AGAP1: variants seen among roughly 807,000 people sequenced by gnomAD.
The protein encoded by AGAP1 is arf-GAP with GTPase, ANK repeat and PH domain-containing protein 1.
A neutral mutation model predicts 105.3 loss-of-function variants in AGAP1; 29 were observed. That is an observed-to-expected ratio of 0.28 (90% CI 0.21 to 0.38). The LOEUF is 0.38. AGAP1 is among the 10% of genes least tolerant of loss of function. AGAP1 has a pLI of 1.00. For missense variants in AGAP1, 998 were observed against 1,165.1 expected, an observed-to-expected ratio of 0.86 and a Z score of 2.09; for synonymous variants, 509 against 485.9, an observed-to-expected ratio of 1.05 and a Z score of -0.63.
intron 1 of AGAP1, among the ~76,000 whole-genome samples, chr2:235,647,334 C>T (rs1457591419): frequency 6.6e-6 from 1 of 152,136 alleles, no homozygotes; most frequent in Non-Finnish European, 1.5e-5. Context: ...TGTCTCAGAT[C>T]AGATTGAAGC....
chr2:235,873,296 A>C (rs1196295388), intron 9 of AGAP1, among the ~76,000 whole-genome samples: 2 of 152,186 alleles, frequency 1.3e-5, no homozygotes, highest in East Asian at 1.9e-4. Context: ...CACAAAAGCT[A>C]TTTCCCGAGT....
At chr2:236,081,141 G>A (rs1576256841) in intron 16 of AGAP1, among the ~76,000 whole-genome samples, 2 of 152,268 alleles carry the variant, frequency 1.3e-5, no homozygotes, top group South Asian at 2.1e-4. Flanking sequence ...GGTGGTGCCT[G>A]TGGGTACATC....
chr2:235,624,342 C>T (rs1946572761), intron 1 of AGAP1, among the ~76,000 whole-genome samples: 1 of 152,188 alleles, frequency 6.6e-6, no homozygotes, highest in Admixed American at 6.5e-5. Flanking sequence ...CTGTCTTTCC[C>T]ATCTGGATCT....
chr2:236,084,878 T>C (rs1054400017), intron 16 of AGAP1, among the ~76,000 whole-genome samples: 1 of 150,614 alleles, frequency 6.6e-6, no homozygotes, highest in East Asian at 2.0e-4. Flanking sequence ...CACTGTAATC[T>C]GGGCAAAAGA....
Position 236,124,351 on chromosome 2 carries a change from C to T in AGAP1, c.*229C>T, listed in dbSNP as rs944963453. 1.7e-6 allele frequency: 1 copy of T among 594,886 alleles called. No individual in the cohort carries two copies. The highest frequency in any genetic ancestry group is 3.0e-6 in the Non-Finnish European group (1 of 336,240). 36.9% of individuals were successfully genotyped at this position (594,886 alleles called of 1,614,324 possible). A position where few individuals can be genotyped will look rare whatever the true frequency, so the allele number is the denominator to read the frequency against. On this transcript the variant is annotated 3_prime_UTR_variant, in exon 18 of 18. Coordinates refer to ENST00000304032, the MANE Select transcript of AGAP1 (RefSeq NM_001037131.3). This position sits in a 1 kb window ranked among gnomAD's most constrained non-coding sequence, Gnocchi z 5.1. ...CAGAAGTGGCTCCTTTTCATAAACTCCCCTAAACCACACACAGGAGAGAGC... is the reference window on the plus strand; with the variant it reads ...CAGAAGTGGCTCCTTTTCATAAACTTCCCTAAACCACACACAGGAGAGAGC...
intron 16 of AGAP1, among the ~76,000 whole-genome samples, chr2:236,052,570 T>C (rs935048775): frequency 7.2e-5 from 11 of 152,142 alleles, no homozygotes; most frequent in Non-Finnish European, 1.5e-4. Context: ...AGCATCATGA[T>C]CAATGGAAGC....
At chr2:235,502,976 G>A (rs1436150769) in intron 1 of AGAP1, among the ~76,000 whole-genome samples, 1 of 151,906 alleles carries the variant, frequency 6.6e-6, no homozygotes, top group Non-Finnish European at 1.5e-5. Context: ...TTAGCCAATA[G>A]TGACTTGTAG....
intron 2 of AGAP1, among the ~76,000 whole-genome samples, chr2:235,713,431 T>G (rs1950947927): frequency 1.3e-5 from 2 of 152,222 alleles, no homozygotes; most frequent in South Asian, 2.1e-4. Flanking sequence ...TCTCATTCAC[T>G]CACCAGCAGT....
rs181502078 is a variant in AGAP1, at chr2:235,709,680, A to G, written c.222+443A>G. On this transcript the variant is annotated intron_variant, in intron 2 of 17. Coordinates refer to ENST00000304032, the MANE Select transcript of AGAP1 (RefSeq NM_001037131.3). ...GAGTCACCAAGCTTTGGTATCCATC[A>G]TTTTTGAAATGTGACTATTTACCCT... Among the ~76,000 whole-genome samples, 3 of 152,300 alleles carry G rather than the reference A, an allele frequency of 2.0e-5. No individual in the cohort carries two copies. In the East Asian group the frequency reaches 5.8e-4, roughly 29 times the overall value.
rs910777829 is a variant in AGAP1, at chr2:235,631,342, G to A, written c.164-77837G>A. ...AGTCAAGCATGGCGCAAGGAAGGAC[G>A]ATGGATTAGCCAACCATGACCGGCC... is the stretch of plus-strand genomic sequence containing the variant. On this transcript the variant is annotated intron_variant, in intron 1 of 17. Coordinates refer to ENST00000304032, the MANE Select transcript of AGAP1 (RefSeq NM_001037131.3). This position sits in a 1 kb window ranked among gnomAD's most constrained non-coding sequence, Gnocchi z 5.4. Among the ~76,000 whole-genome samples the A allele has an allele frequency of 6.6e-6, 1 of 152,182 alleles. No homozygotes were observed. The highest frequency in any genetic ancestry group is 2.1e-4 in the South Asian group (1 of 4,824).
intron 1 of AGAP1, among the ~76,000 whole-genome samples, chr2:235,684,085 A>G (rs1337190366): frequency 6.6e-6 from 1 of 152,088 alleles, no homozygotes; most frequent in Non-Finnish European, 1.5e-5. Flanking sequence ...TCTGTCGCCC[A>G]GGCTGGAATG....
chr2:236,109,684 C>A lies in AGAP1; in HGVS notation c.2115-10508C>A, dbSNP rs1289056632. Among the ~76,000 whole-genome samples, 1 of 152,224 alleles carries A rather than the reference C, an allele frequency of 6.6e-6. No individual in the cohort carries two copies. Among genetic ancestry groups the A allele is most frequent in the African/African-American group, 2.4e-5 (1 of 41,458 alleles). Reference sequence around the variant, plus strand: ...CGGCAGCGTCGGTGCTCTGGACCGGCAGCCGTGGAAACGTTCTGGATCCGA... The same window carrying A: ...CGGCAGCGTCGGTGCTCTGGACCGGAAGCCGTGGAAACGTTCTGGATCCGA... On this transcript the variant is annotated intron_variant, in intron 16 of 17. Coordinates refer to ENST00000304032, the MANE Select transcript of AGAP1 (RefSeq NM_001037131.3). The surrounding 1 kb of genome is among the most constrained non-coding windows in gnomAD (Gnocchi z 5.4).
At chr2:236,071,010 A>C (rs1271597118) in intron 16 of AGAP1, among the ~76,000 whole-genome samples, 1 of 152,214 alleles carries the variant, frequency 6.6e-6, no homozygotes, top group African/African-American at 2.4e-5. Context: ...GGTGGGAAAA[A>C]TCAAAGAGAG....
intron 5 of AGAP1, among the ~76,000 whole-genome samples, chr2:235,748,918 G>C (rs1261572476): frequency 6.6e-6 from 1 of 152,196 alleles, no homozygotes; most frequent in Non-Finnish European, 1.5e-5. Context: ...TTAGGAAACT[G>C]TCTCTGAAGG....
Position 236,121,359 on chromosome 2 carries a change from G to C in AGAP1, c.2370+912G>C, listed in dbSNP as rs1270740076. Reference sequence around the variant, plus strand: ...TCTGTCACCCAGGCTGGAGTGCAGTGGTGCGATCTCAGCTCACTGCAACCT... The same window carrying C: ...TCTGTCACCCAGGCTGGAGTGCAGTCGTGCGATCTCAGCTCACTGCAACCT... On this transcript the variant is annotated intron_variant, in intron 17 of 17. Coordinates refer to ENST00000304032, the MANE Select transcript of AGAP1 (RefSeq NM_001037131.3). This position sits in a 1 kb window ranked among gnomAD's most constrained non-coding sequence, Gnocchi z 4.9. 1.3e-5 allele frequency among the ~76,000 whole-genome samples: 2 copies of C among 152,178 alleles called. No individual in the cohort carries two copies. The highest frequency in any genetic ancestry group is 2.9e-5 in the Non-Finnish European group (2 of 68,028).
intron 1 of AGAP1, among the ~76,000 whole-genome samples, chr2:235,573,776 G>T (rs1279162655): frequency 6.6e-6 from 1 of 152,126 alleles, no homozygotes; most frequent in Non-Finnish European, 1.5e-5. Flanking sequence ...GGAGAGTCAG[G>T]TCAGGGGTGG....
chr2:235,563,001 A>G (rs902777223), intron 1 of AGAP1, among the ~76,000 whole-genome samples: 3 of 152,176 alleles, frequency 2.0e-5, no homozygotes, highest in Non-Finnish European at 4.4e-5. Flanking sequence ...TCAAGGTTGC[A>G]GTGAGCCGCT....
chr2:236,074,055 T>TG (rs2058574653), intron 16 of AGAP1, among the ~76,000 whole-genome samples: 1 of 152,212 alleles, frequency 6.6e-6, no homozygotes, highest in Non-Finnish European at 1.5e-5. Context: ...CCCAGCGTGG[T>TG]GGGGGGCTGG....
chr2:235,841,691 C>G (rs1418199009), intron 9 of AGAP1, among the ~76,000 whole-genome samples: 2 of 152,170 alleles, frequency 1.3e-5, no homozygotes, highest in Non-Finnish European at 2.9e-5. Flanking sequence ...CTGTATTTGT[C>G]AAACACTTCG....
Sources: gnomAD v4.1 joint callset for allele counts (sites outside exome capture counted in the v4.1 genomes callset) on GRCh38, gnomAD v4.1.1 for gene constraint, Gnocchi (gnomAD v3.1) non-coding constraint, MANE v1.5 for transcripts, NCBI Gene and HGNC (gene_info 2026-07-23, HGNC 2026-07-21) for gene names.